DPYD: variants seen among roughly 807,000 people sequenced by gnomAD.
The protein encoded by DPYD is dihydropyrimidine dehydrogenase, also known as dihydropyrimidine dehydrogenase [NADP(+)].
Under a neutral mutation model 116.2 loss-of-function variants are expected in DPYD, and 109 were observed. That is an observed-to-expected ratio of 0.94 (90% CI 0.80 to 1.10). The LOEUF (loss-of-function observed/expected upper bound fraction) is 1.10, where lower values mean the gene tolerates loss of function less well. Among genes scored for constraint, DPYD ranks in the 50% least tolerant of loss-of-function variants. DPYD has a pLI of 0.00. For missense variants in DPYD, 1,302 were observed against 1,254.5 expected (o/e 1.04, Z -0.57); for synonymous variants, 440 against 432.0 (o/e 1.02, Z -0.23).
chr1:97,472,123 T>C (rs1677697880), intron 13 of DPYD, among the ~76,000 whole-genome samples: 1 of 152,228 alleles, frequency 6.6e-6, no homozygotes, highest in Non-Finnish European at 1.5e-5. Context: ...TAAATTTTTC[T>C]GAATCACCTT....
Position 97,100,967 on chromosome 1 carries a change from T to C in DPYD, c.2623-2335A>G, listed in dbSNP as rs955639787. ...ACATGCTAAGTTTCTAATGTGCTAATTGGTTTTATAATTAGTCCTAAAGAG... is the reference window on the plus strand; with the variant it reads ...ACATGCTAAGTTTCTAATGTGCTAACTGGTTTTATAATTAGTCCTAAAGAG... On this transcript the variant is annotated intron_variant, in intron 20 of 22. Coordinates refer to ENST00000370192, the MANE Select transcript of DPYD (RefSeq NM_000110.4). Among the ~76,000 whole-genome samples the C allele has an allele frequency of 5.9e-5, 9 of 152,198 alleles. No homozygotes were observed. In the East Asian group the frequency reaches 1.4e-3, roughly 23 times the overall value.
intron 8 of DPYD, among the ~76,000 whole-genome samples, chr1:97,652,380 A>G (rs1658637829): frequency 6.6e-6 from 1 of 152,222 alleles, no homozygotes; most frequent in South Asian, 2.1e-4. Flanking sequence ...TTGAATAAAA[A>G]GGAAATAGTT....
intron 12 of DPYD, among the ~76,000 whole-genome samples, chr1:97,533,467 C>G (rs1649785402): frequency 6.6e-6 from 1 of 152,148 alleles, no homozygotes. Context: ...AATTGCCATA[C>G]TGACAGGCCC....
intron 14 of DPYD, among the ~76,000 whole-genome samples, chr1:97,443,880 T>C (rs1173173761): frequency 6.6e-6 from 1 of 152,212 alleles, no homozygotes; most frequent in African/African-American, 2.4e-5. Flanking sequence ...GCAAGAAGAC[T>C]GTACAAGGGC....
intron 3 of DPYD, among the ~76,000 whole-genome samples, chr1:97,757,715 T>A (rs1665326465): frequency 6.6e-6 from 1 of 152,260 alleles, no homozygotes; most frequent in East Asian, 1.9e-4. Context: ...TAGACAGCTA[T>A]AATTCAGTAT....
chr1:97,248,210 A>T (rs1002212029), intron 18 of DPYD, among the ~76,000 whole-genome samples: 1 of 152,166 alleles, frequency 6.6e-6, no homozygotes, highest in Non-Finnish European at 1.5e-5. Flanking sequence ...CCCCACCCAA[A>T]TCTCATCTTG....
chr1:97,287,801 G>A (rs1342670553), intron 18 of DPYD, among the ~76,000 whole-genome samples: 1 of 151,990 alleles, frequency 6.6e-6, no homozygotes, highest in Non-Finnish European at 1.5e-5. Context: ...TATTAGGGTG[G>A]GAGTGACCTG....
chr1:97,838,940 C>T (rs1029525576), intron 2 of DPYD, among the ~76,000 whole-genome samples: 2 of 152,130 alleles, frequency 1.3e-5, no homozygotes, highest in African/African-American at 4.8e-5. Flanking sequence ...ATGAACAGGG[C>T]CAATGCTAGA....
chr1:97,548,653 T>C (rs1651087239), intron 12 of DPYD, among the ~76,000 whole-genome samples: 2 of 152,112 alleles, frequency 1.3e-5, no homozygotes, highest in South Asian at 2.1e-4. Context: ...TAAGAATTGC[T>C]TGAACCCAGG....
intron 16 of DPYD, among the ~76,000 whole-genome samples, chr1:97,325,951 A>T (rs28699374): frequency 0.29 from 43,417 of 151,388 alleles, 6,422 homozygotes; most frequent in Non-Finnish European, 0.31. Flanking sequence ...CCTTTAGGCA[A>T]TAAGAAAACA....
intron 15 of DPYD, among the ~76,000 whole-genome samples, chr1:97,375,118 T>A (rs1671539304): frequency 6.6e-6 from 1 of 151,984 alleles, no homozygotes. Flanking sequence ...TTTACCTAAC[T>A]TCTATAATTT....
At chr1:97,512,188 G>A (rs1323257326) in intron 13 of DPYD, among the ~76,000 whole-genome samples, 1 of 151,664 alleles carries the variant, frequency 6.6e-6, no homozygotes, top group Admixed American at 6.6e-5. Flanking sequence ...TGTGCTATGG[G>A]GTATAAGGTT....
intron 2 of DPYD, among the ~76,000 whole-genome samples, chr1:97,861,701 G>T (rs556254503): frequency 7.2e-5 from 11 of 151,816 alleles, no homozygotes; most frequent in African/African-American, 2.7e-4. Context: ...TAGTAATTTG[G>T]GAAAAGTCAA....
intron 20 of DPYD, among the ~76,000 whole-genome samples, chr1:97,137,923 T>A (rs1212112570): frequency 1.3e-5 from 2 of 152,062 alleles, no homozygotes; most frequent in Non-Finnish European, 2.9e-5. Context: ...GGTGCACACC[T>A]TAACATAAAG....
chr1:97,715,844 T>C (rs1381654399), intron 5 of DPYD, among the ~76,000 whole-genome samples: 1 of 152,088 alleles, frequency 6.6e-6, no homozygotes, highest in Non-Finnish European at 1.5e-5. Context: ...CAGAAATACA[T>C]TATTTCAGAG....
chr1:97,434,903 A>T (rs1165903974), intron 14 of DPYD, among the ~76,000 whole-genome samples: 1 of 152,022 alleles, frequency 6.6e-6, no homozygotes. Flanking sequence ...TATCAGTCTT[A>T]TCATGCAATC....
chr1:97,137,777 T>G (rs1279480155), intron 20 of DPYD, among the ~76,000 whole-genome samples: 3 of 152,176 alleles, frequency 2.0e-5, no homozygotes, highest in African/African-American at 7.2e-5. Context: ...GATCTACCTC[T>G]CTGAAATGAG....
At position 97,481,491 on chromosome 1, in the gene DPYD, C is replaced by T. The variant is rs188828807; in HGVS notation, c.1741-31268G>A. On this transcript the variant is annotated intron_variant, in intron 13 of 22. Coordinates refer to ENST00000370192, the MANE Select transcript of DPYD (RefSeq NM_000110.4). ...TATAGTATAGGAAACAAAATATGAA[C>T]ATTTCACAGTGACAAAAATTGTAAA... 1.8e-3 allele frequency among the ~76,000 whole-genome samples: 272 copies of T among 152,048 alleles called. 2 individuals are homozygous for T. The highest frequency in any genetic ancestry group is 1.6e-3 in the Non-Finnish European group (110 of 67,946).
At chr1:97,610,179 T>C (rs1655851947) in intron 8 of DPYD, among the ~76,000 whole-genome samples, 1 of 152,000 alleles carries the variant, frequency 6.6e-6, no homozygotes, top group Non-Finnish European at 1.5e-5. Context: ...CTGTCCCAGA[T>C]GTTATCAGGC....
Sources: gnomAD v4.1 joint callset for allele counts (sites outside exome capture counted in the v4.1 genomes callset) on GRCh38, gnomAD v4.1.1 for gene constraint, MANE v1.5 for transcripts, NCBI Gene and HGNC (gene_info 2026-07-23, HGNC 2026-07-21) for gene names.